EXOSC9: variants seen among roughly 807,000 people sequenced by gnomAD.
EXOSC9 encodes the protein exosome component 9, also known as exosome complex component RRP45.
Under a neutral mutation model 56.5 loss-of-function variants are expected in EXOSC9, and 38 were observed. The ratio of observed to expected loss-of-function variants is 0.67; its 90% CI spans 0.52 to 0.88. EXOSC9 has a LOEUF of 0.88. EXOSC9 is among the 40% of genes least tolerant of loss of function. The probability of loss-of-function intolerance (pLI) is 0.00; values close to 1 mark genes in which losing one functional copy is unlikely to be tolerated. For missense variants in EXOSC9, 559 were observed against 530.5 expected (o/e 1.05, Z -0.53); for synonymous variants, 170 against 170.8 (o/e 0.99, Z 0.04).
At position 121,810,053 on chromosome 4, in the gene EXOSC9, T is replaced by C; in HGVS notation, c.692T>C (p.Ile231Thr). 6.2e-7 allele frequency: 1 copy of C among 1,613,988 alleles called. No homozygotes were observed. Among genetic ancestry groups the C allele is most frequent in the Non-Finnish European group, 8.5e-7 (1 of 1,179,858 alleles). ...ATTGCCATGAACAAACATCGAGAGATTTGTACTATCCAGTCCAGTGGTGGG... is the reference window on the plus strand; with the variant it reads ...ATTGCCATGAACAAACATCGAGAGACTTGTACTATCCAGTCCAGTGGTGGG... ...LVIAMNKHREICTIQSSGGIM... is the reference protein window; with the variant it reads ...LVIAMNKHRETCTIQSSGGIM... Residue 231 changes from isoleucine to threonine, a missense_variant, in exon 7 of 12, where the codon ATT becomes ACT. Ile to Thr is a moderately conservative substitution (Grantham distance 89). Coordinates refer to ENST00000243498, the MANE Select transcript of EXOSC9 (RefSeq NM_005033.3).
intron 8 of EXOSC9, among the ~76,000 whole-genome samples, chr4:121,812,019 CT>C (rs1396043232): frequency 3.3e-5 from 5 of 151,932 alleles, no homozygotes; most frequent in African/African-American, 1.2e-4. Flanking sequence ...GATGCAGTGA[CT>C]TGTGGATAGT....
intron 4 of EXOSC9, 70 bp downstream of exon 4, chr4:121,803,087 T>C: frequency 9.0e-7 from 1 of 1,105,258 alleles, no homozygotes. Context: ...GTATCTATCC[T>C]TTTATTCTCA....
At chr4:121,802,565 G>A in intron 2 of EXOSC9, 109 bp from the exon 3 acceptor site, 1 of 940,954 alleles carries the variant, frequency 1.1e-6, no homozygotes. Flanking sequence ...GATTTATTTG[G>A]CTGAGTATGA....
chr4:121,809,133 G>T (rs961421278), intron 6 of EXOSC9, among the ~76,000 whole-genome samples: 1 of 151,718 alleles, frequency 6.6e-6, no homozygotes, highest in African/African-American at 2.4e-5. Flanking sequence ...CTATAGGTGT[G>T]TGGCATACCC....
Position 121,807,525 on chromosome 4 carries a change from T to G in EXOSC9, c.523-15T>G. On this transcript the variant is annotated splice_polypyrimidine_tract_variant and intron_variant, in intron 5 of 11. Transcript: ENST00000243498. Reference sequence around the variant, plus strand: ...CTTAGTGACTATAATTATTAAACATTTTCTTTTGAAACAGTATACACCTGA... The same window carrying G: ...CTTAGTGACTATAATTATTAAACATGTTCTTTTGAAACAGTATACACCTGA... The G allele has an allele frequency of 6.6e-7, 1 of 1,522,150 alleles. No homozygotes were observed. The highest frequency in any genetic ancestry group is 9.0e-7 in the Non-Finnish European group (1 of 1,105,258). 94.3% of individuals were successfully genotyped at this position (1,522,150 alleles called of 1,614,324 possible).
chr4:121,804,666 A>T lies in EXOSC9; in HGVS notation c.429A>T (p.Gly143=). 6.2e-7 allele frequency: 1 copy of T among 1,606,860 alleles called. No individual in the cohort carries two copies. Among genetic ancestry groups the T allele is most frequent in the Non-Finnish European group, 8.5e-7 (1 of 1,173,770 alleles). Reference sequence around the variant, plus strand: ...ACCTACATTTATTAAATCATGATGGAAATATTATTGATGCTGCCAGCATTG... The same window carrying T: ...ACCTACATTTATTAAATCATGATGGTAATATTATTGATGCTGCCAGCATTG... ...RVDLHLLNHD[G]NIIDAASIAA... Residue 143 remains glycine, a synonymous_variant, in exon 5 of 12, where the codon GGA becomes GGT. Transcript: ENST00000243498.
chr4:121,806,395 G>A (rs773769477), intron 5 of EXOSC9, among the ~76,000 whole-genome samples: 5 of 151,722 alleles, frequency 3.3e-5, no homozygotes, highest in Non-Finnish European at 5.9e-5. Context: ...CGTCCACATC[G>A]GCCTTCCAAA....
Position 121,807,848 on chromosome 4 carries a change from A to G in EXOSC9, c.605+226A>G, listed in dbSNP as rs1727070286. ...GATACTTCCCAACATTTTTCTTTTC[A>G]TGGGATACTTATAAACTTAGGAATT... On this transcript the variant is annotated intron_variant, in intron 6 of 11. Transcript: ENST00000243498. 5.2e-6 allele frequency: 3 copies of G among 571,660 alleles called. No individual in the cohort carries two copies. In the South Asian group the frequency reaches 6.7e-5, roughly 13 times the overall value. The allele number at this position is 571,660 out of a possible 1,614,324, so 35.4% of individuals were successfully genotyped here.
rs1405230096 is a variant in EXOSC9, at chr4:121,810,034, A to T, written c.673A>T (p.Met225Leu). The T allele has an allele frequency of 6.2e-7, 1 of 1,613,948 alleles. No individual in the cohort carries two copies. The highest frequency in any genetic ancestry group is 2.2e-5 in the East Asian group (1 of 44,874). Residue 225 changes from methionine to leucine, a missense_variant, in exon 7 of 12, where the codon ATG (methionine) becomes TTG (leucine). By Grantham distance (15) the Met-to-Leu change is conservative. Transcript: ENST00000243498. Reference sequence around the variant, plus strand: ...GATGGATGGCTTGCTGGTGATTGCCATGAACAAACATCGAGAGATTTGTAC... The same window carrying T: ...GATGGATGGCTTGCTGGTGATTGCCTTGAACAAACATCGAGAGATTTGTAC... ...RVMDGLLVIA[M>L]NKHREICTIQ...
chr4:121,814,770 A>T (rs568979875), intron 10 of EXOSC9: 2 of 152,222 alleles, frequency 1.3e-5, no homozygotes, highest in East Asian at 1.9e-4. Context: ...AAAAAATTCT[A>T]TAAGTAACTA....
rs1724326812 is a variant in EXOSC9, at chr4:121,813,392, T to C, written c.974+12T>C. 2 of 1,609,666 alleles carry C rather than the reference T, an allele frequency of 1.2e-6. No individual in the cohort carries two copies. Among genetic ancestry groups the C allele is most frequent in the Non-Finnish European group, 1.7e-6 (2 of 1,178,246 alleles). On this transcript the variant is annotated intron_variant, in intron 9 of 11. Coordinates refer to ENST00000243498, the MANE Select transcript of EXOSC9 (RefSeq NM_005033.3). Reference sequence around the variant, plus strand: ...CCTCCTTCAGAAGTGTATCTTTATTTGGTGGTTTTTGCAGTAACAAGATTC... The same window carrying C: ...CCTCCTTCAGAAGTGTATCTTTATTCGGTGGTTTTTGCAGTAACAAGATTC...
At chr4:121,802,814 A>T (rs766158866) in intron 3 of EXOSC9, 21 bp downstream of exon 3, 110 of 1,613,002 alleles carry the variant, frequency 6.8e-5, no homozygotes, top group Non-Finnish European at 8.6e-5. Flanking sequence ...CTTTTTCTTA[A>T]GTTGCTTTAG....
chr4:121,803,025 A>G lies in EXOSC9; in HGVS notation c.384+8A>G. 6.4e-7 allele frequency: 1 copy of G among 1,560,992 alleles called. No individual in the cohort carries two copies. The highest frequency in any genetic ancestry group is 8.8e-7 in the Non-Finnish European group (1 of 1,131,786). ...GTTGTTGCTGGTGAAAAGGTGGGGA[A>G]TATGCCCATAATTCTTAATCTTAGG... On this transcript the variant is annotated splice_region_variant and intron_variant, in intron 4 of 11. Transcript: ENST00000243498.
chr4:121,816,507 C>T (rs1278566609), intron 11 of EXOSC9, 60 bp downstream of exon 11: 5 of 1,144,518 alleles, frequency 4.4e-6, no homozygotes, highest in Middle Eastern at 4.0e-4. Flanking sequence ...TAGAGGTTTG[C>T]TCTCTGGTTT....
chr4:121,816,760 C>CTTTA lies in EXOSC9; in HGVS notation c.1236-9_1236-6dup, dbSNP rs1724530726. 2 of 1,569,422 alleles carry CTTTA rather than the reference C, an allele frequency of 1.3e-6. No individual in the cohort carries two copies. Among genetic ancestry groups the CTTTA allele is most frequent in the East Asian group, 4.5e-5 (2 of 44,308 alleles). ...ATACTCTTAGTAAATTCTTACTTTG[C>CTTTA]TTTATTCACAGAACACAGACCACCA... is the stretch of plus-strand genomic sequence containing the variant. On this transcript the variant is annotated splice_polypyrimidine_tract_variant and intron_variant, in intron 11 of 11. Coordinates refer to ENST00000243498, the MANE Select transcript of EXOSC9 (RefSeq NM_005033.3).
rs571516935 is a variant in EXOSC9, at chr4:121,808,877, G to C, written c.606-1090G>C. Reference sequence around the variant, plus strand: ...TTTTGTAGAGATGGGATTTCACTACGTTGCCCAGGATGGTCTGAAGCTCCT... The same window carrying C: ...TTTTGTAGAGATGGGATTTCACTACCTTGCCCAGGATGGTCTGAAGCTCCT... On this transcript the variant is annotated intron_variant, in intron 6 of 11. Coordinates refer to ENST00000243498, the MANE Select transcript of EXOSC9 (RefSeq NM_005033.3). Among the ~76,000 whole-genome samples the C allele has an allele frequency of 4.6e-5, 7 of 151,896 alleles. No individual in the cohort carries two copies. In the South Asian group the frequency reaches 1.2e-3, roughly 27 times the overall value.
At chr4:121,804,158 A>G (rs915118359) in intron 4 of EXOSC9, among the ~76,000 whole-genome samples, 1 of 144,530 alleles carries the variant, frequency 6.9e-6, no homozygotes, top group African/African-American at 2.6e-5. Context: ...GTGCCACTCC[A>G]CCCAGCTAAC....
chr4:121,810,230 A>G (rs1727172971), intron 7 of EXOSC9, 131 bp downstream of exon 7: 10 of 802,324 alleles, frequency 1.2e-5, no homozygotes, highest in Admixed American at 2.3e-5. Context: ...ATCTGGTTTC[A>G]GTACTGTCAC....
Position 121,801,490 on chromosome 4 carries a change from G to A in EXOSC9, c.66G>A (p.Lys22=). The A allele has an allele frequency of 6.2e-7, 1 of 1,614,176 alleles. No homozygotes were observed. The highest frequency in any genetic ancestry group is 1.1e-5 in the South Asian group (1 of 91,088). ...TACTCCGTGCCATCGAAGAGAAGAA[G>A]GTATGGTTTGGTGCCCGCAGAATTG... ...RFLLRAIEEK[K]RLDGRQTYDY... The change falls in exon 1 of 12, where the codon AAG becomes AAA. Residue 22 remains lysine (K), a splice_region_variant and synonymous_variant. Transcript: ENST00000243498.
Sources: allele counts gnomAD v4.1 joint callset (sites outside exome capture counted in the v4.1 genomes callset), GRCh38; gene constraint gnomAD v4.1.1; transcripts MANE v1.5; gene names NCBI Gene and HGNC (gene_info 2026-07-23, HGNC 2026-07-21).